The following GOLGA6L7 variants were observed in gnomAD, a reference collection of about 807,000 sequenced individuals.
The protein encoded by GOLGA6L7 is golgin subfamily A member 6-like protein 7.
GOLGA6L7 carries 29 observed loss-of-function variants against 68.9 expected under a neutral mutation model. That is an observed-to-expected ratio of 0.42 (90% CI 0.31 to 0.57). GOLGA6L7 has a LOEUF of 0.57. Ranked by LOEUF, GOLGA6L7 falls within the 20% of genes least tolerant of loss-of-function variation. The pLI is 0.13. For synonymous variants in GOLGA6L7, 133 were observed against 197.4 expected (o/e 0.67, Z 2.73); for missense variants, 396 against 588.4 (o/e 0.67, Z 3.38).
At position 28,842,889 on chromosome 15, in the gene GOLGA6L7, C is replaced by T. The variant is rs2030252775; in HGVS notation, c.1215G>A (p.Trp405Ter). The T allele has an allele frequency of 1.5e-5, 19 of 1,255,440 alleles. No individual in the cohort carries two copies. Among genetic ancestry groups the T allele is most frequent in the East Asian group, 3.1e-5 (1 of 31,822 alleles). The allele number at this position is 1,255,440 out of a possible 1,614,324, so 77.8% of individuals were successfully genotyped here. A position where few individuals can be genotyped will look rare whatever the true frequency, so the allele number is the denominator to read the frequency against. Reference protein sequence around the residue: ...EQMRKQEEQMWKQEEQMGEQM... With the variant: ...EQMRKQEEQM ...GCTCCCCCATCTGCTCCTCCTGCTT[C>T]CACATCTGCTCCTCCTGCTTTCGCA... is the stretch of plus-strand genomic sequence containing the variant. Residue 405 changes from tryptophan to a stop codon, truncating the protein, a stop_gained, in exon 9 of 9, where the codon TGG (tryptophan) becomes TGA (stop). Transcript: ENST00000567390. LOFTEE classifies it high-confidence loss of function.
intron 3 of GOLGA6L7, 84 bp downstream of exon 3, chr15:28,846,136 G>A (rs2030418340): frequency 4.2e-6 from 3 of 719,252 alleles, no homozygotes; most frequent in Non-Finnish European, 7.6e-6. Context: ...GCTGGGAGTA[G>A]GCGAGACGAG....
At chr15:28,843,638 C>T (rs2030300456) in intron 8 of GOLGA6L7, 96 bp downstream of exon 8, 3 of 558,260 alleles carry the variant, frequency 5.4e-6, no homozygotes, top group Non-Finnish European at 9.4e-6. Flanking sequence ...CCAAATTTTC[C>T]AGCTCTTGGC....
Position 28,848,626 on chromosome 15 carries a change from A to G in GOLGA6L7, c.-77T>C. On this transcript the variant is annotated 5_prime_UTR_variant, in exon 1 of 9. Coordinates refer to ENST00000567390, the MANE Select transcript of GOLGA6L7 (RefSeq NM_001365371.2). ...GACAGTGATATGCCTCCAGTCACGT[A>G]CCACACAGCTATGTGACTGAGCCAC... 1 of 739,060 alleles carries G rather than the reference A, an allele frequency of 1.4e-6. No homozygotes were observed. The highest frequency in any genetic ancestry group is 2.5e-6 in the Non-Finnish European group (1 of 404,396). 45.8% of individuals were successfully genotyped at this position (739,060 alleles called of 1,614,324 possible). A position where few individuals can be genotyped will look rare whatever the true frequency, so the allele number is the denominator to read the frequency against.
At position 28,846,047 on chromosome 15, in the gene GOLGA6L7, C is replaced by T. The variant is rs190544117; in HGVS notation, c.211-97G>A. 437 of 848,376 alleles carry T rather than the reference C, an allele frequency of 5.2e-4. 10 individuals carry two copies. In the African/African-American group the frequency reaches 6.6e-3, roughly 13 times the overall value. The allele number at this position is 848,376 out of a possible 1,614,324, so 52.6% of individuals were successfully genotyped here. On this transcript the variant is annotated intron_variant, in intron 3 of 8. Transcript: ENST00000567390. ...CCAGAATGGCCCCACTGTCCCAGGA[C>T]AGGCCCACCCATGGGACCAGGTTAT...
chr15:28,842,024 A>G lies in GOLGA6L7; in HGVS notation c.*211T>C, dbSNP rs2030202911. On this transcript the variant is annotated 3_prime_UTR_variant, in exon 9 of 9. Transcript: ENST00000567390. ...GAGTGCAGTGGTGTGATCTCAGCTC[A>G]CTGCAACCTCAACCTCCCACGTAGC... 2 of 342,430 alleles carry G rather than the reference A, an allele frequency of 5.8e-6. No homozygotes were observed. Among genetic ancestry groups the G allele is most frequent in the Non-Finnish European group, 1.0e-5 (2 of 193,780 alleles). The allele number at this position is 342,430 out of a possible 1,614,324, so 21.2% of individuals were successfully genotyped here.
rs3896917 is a variant in GOLGA6L7 at position 28,846,595 on chromosome 15, C to T, written c.181-346G>A. 145 of 452,420 alleles carry T rather than the reference C, an allele frequency of 3.2e-4. 1 individual carries two copies. Among genetic ancestry groups the T allele is most frequent in the African/African-American group, 2.0e-4 (10 of 49,588 alleles). The allele number at this position is 452,420 out of a possible 1,614,324, so 28.0% of individuals were successfully genotyped here. ...AAGCATTGAGCAAGCACATAGGGGC[C>T]GGGGACGGTTCTTCACTGCTGGGAT... On this transcript the variant is annotated intron_variant, in intron 2 of 8. Transcript: ENST00000567390.
chr15:28,844,090 A>G (rs1364226662), intron 7 of GOLGA6L7, 115 bp downstream of exon 7: 3 of 567,250 alleles, frequency 5.3e-6, no homozygotes, highest in East Asian at 2.9e-5. Context: ...GCTTCCCTGC[A>G]CACACATGTA....
chr15:28,848,178 G>A (rs1200564501), intron 1 of GOLGA6L7, among the ~76,000 whole-genome samples: 1 of 151,996 alleles, frequency 6.6e-6, no homozygotes, highest in Non-Finnish European at 1.5e-5. Flanking sequence ...AGGTGCTGGG[G>A]CATCCGGTTC....
chr15:28,845,533 T>C lies in GOLGA6L7; in HGVS notation c.458A>G (p.Asp153Gly), dbSNP rs1332470092. Residue 153 changes from aspartate to glycine, a missense_variant, in exon 6 of 9, where the codon GAC becomes GGC. By Grantham distance (94) the Asp-to-Gly change is moderately conservative. This residue lies in a region of GOLGA6L7 where 125 missense variants were observed against 119.4 expected (regional missense o/e 1.05). Coordinates refer to ENST00000567390, the MANE Select transcript of GOLGA6L7 (RefSeq NM_001365371.2). ...SAMSAEHERA[D>G]KYIKELTKER... ...CGGGTAGGTGGTTGGACTCACCTTG[T>C]CCGCCCTCTCGTGCTCTGCGGACAT... is the stretch of plus-strand genomic sequence containing the variant. 1 of 714,078 alleles carries C rather than the reference T, an allele frequency of 1.4e-6. No individual in the cohort carries two copies. The highest frequency in any genetic ancestry group is 1.7e-5 in the African/African-American group (1 of 57,474). 44.2% of individuals were successfully genotyped at this position (714,078 alleles called of 1,614,324 possible).
At chr15:28,844,300 G>A (rs1037649200) in intron 6 of GOLGA6L7, 37 bp from the exon 7 acceptor site, 4 of 456,502 alleles carry the variant, frequency 8.8e-6, no homozygotes, top group Non-Finnish European at 1.5e-5. Flanking sequence ...GATACAGCAG[G>A]CAGAGGAGCA....
intron 1 of GOLGA6L7, 109 bp downstream of exon 1, chr15:28,848,390 C>T (rs1200060403): frequency 1.5e-6 from 1 of 652,082 alleles, no homozygotes; most frequent in African/African-American, 1.8e-5. Flanking sequence ...CTGGGGGGGG[C>T]CCGGCCCTGC....
chr15:28,845,739 C>T lies in GOLGA6L7; in HGVS notation c.334G>A (p.Asp112Asn). 2 of 783,082 alleles carry T rather than the reference C, an allele frequency of 2.6e-6. No individual in the cohort carries two copies. Among genetic ancestry groups the T allele is most frequent in the Non-Finnish European group, 4.6e-6 (2 of 439,150 alleles). 48.5% of individuals were successfully genotyped at this position (783,082 alleles called of 1,614,324 possible). Residue 112 changes from aspartate (D) to asparagine (N), a missense_variant, in exon 5 of 9, where the codon GAT (aspartate) becomes AAT (asparagine). Physicochemically the swap from Asp to Asn is conservative, Grantham distance 23 (BLOSUM62 1). Around this residue, in one of 5 missense-constraint regions of GOLGA6L7, gnomAD observed 125 missense variants for 119.4 expected, o/e 1.05. Transcript: ENST00000567390. ...CCACCTTCAAATTTCCTGGCAGCAT[C>T]CTGGCTGTCATGGAGCGCTGTCTCC... ...ELETALHDSQ[D>N]AARKFEEDSK...
rs762807747 is a variant in GOLGA6L7, at chr15:28,845,272, A to G, written c.462+257T>C. 253 of 588,428 alleles carry G rather than the reference A, an allele frequency of 4.3e-4. 1 individual carries two copies. The Middle Eastern group carries it at 6.4e-3, about 15-fold the overall frequency. 36.5% of individuals were successfully genotyped at this position (588,428 alleles called of 1,614,324 possible). A position where few individuals can be genotyped will look rare whatever the true frequency, so the allele number is the denominator to read the frequency against. On this transcript the variant is annotated intron_variant, in intron 6 of 8. Transcript: ENST00000567390. ...CTCCGCCTAGGATTTGACCAAGGCC[A>G]CAGCCAAGTATGGGTGGGGTGGGCA...
At chr15:28,847,339 A>G (rs1259111599) in intron 1 of GOLGA6L7, 147 bp from the exon 2 acceptor site, 1 of 508,008 alleles carries the variant, frequency 2.0e-6, no homozygotes, top group Non-Finnish European at 3.4e-6. Flanking sequence ...AGTGACTGAG[A>G]GGGATTGATA....
At chr15:28,847,510 C>T (rs1438182497) in intron 1 of GOLGA6L7, among the ~76,000 whole-genome samples, 28 of 152,226 alleles carry the variant, frequency 1.8e-4, no homozygotes, top group Middle Eastern at 3.4e-3. Flanking sequence ...GGTTTACAGT[C>T]GTACATCCTC....
intron 1 of GOLGA6L7, among the ~76,000 whole-genome samples, chr15:28,847,864 G>A (rs1029200675): frequency 2.0e-5 from 3 of 152,236 alleles, no homozygotes; most frequent in African/African-American, 7.2e-5. Flanking sequence ...GGGCACTCTG[G>A]TCCCAGAACC....
At position 28,845,800 on chromosome 15, in the gene GOLGA6L7, A is replaced by G; in HGVS notation, c.273T>C (p.His91=). 1 of 850,770 alleles carries G rather than the reference A, an allele frequency of 1.2e-6. No homozygotes were observed. The highest frequency in any genetic ancestry group is 2.0e-6 in the Non-Finnish European group (1 of 503,156). The allele number at this position is 850,770 out of a possible 1,614,324, so 52.7% of individuals were successfully genotyped here. A position where few individuals can be genotyped will look rare whatever the true frequency, so the allele number is the denominator to read the frequency against. The change falls in exon 5 of 9, where the codon CAT becomes CAC. Residue 91 remains histidine, a synonymous_variant. Transcript: ENST00000567390. ...ALRRQLEAQD[H]TIRILMCQKT... is the part of the protein sequence containing the mutation. ...TCTGACACATAAGGATTCGTATGGT[A>G]TGATCCTGGGCCTTTGGGAGACAAG...
rs2030362612 is a variant in GOLGA6L7, at chr15:28,845,015, A to G, written c.462+514T>C. 36 of 229,148 alleles carry G rather than the reference A, an allele frequency of 1.6e-4. 1 individual carries two copies. The South Asian group carries it at 2.1e-3, about 13-fold the overall frequency. The allele number at this position is 229,148 out of a possible 1,614,324, so 14.2% of individuals were successfully genotyped here. On this transcript the variant is annotated intron_variant, in intron 6 of 8. Coordinates refer to ENST00000567390, the MANE Select transcript of GOLGA6L7 (RefSeq NM_001365371.2). ...AGAATGATACATTGGCATAGTCCAA[A>G]CCTCAGAAGGTACAGAAGGGAAATA...
intron 1 of GOLGA6L7, among the ~76,000 whole-genome samples, chr15:28,848,038 T>A (rs2030503304): frequency 6.6e-6 from 1 of 152,140 alleles, no homozygotes; most frequent in Non-Finnish European, 1.5e-5. Flanking sequence ...GGGACCCAGG[T>A]ACTTGGAGAC....
Sources: gnomAD v4.1 joint callset for allele counts (sites outside exome capture counted in the v4.1 genomes callset) on GRCh38, gnomAD v4.1.1 for gene constraint, gnomAD v4.1.1 regional missense constraint, MANE v1.5 for transcripts, NCBI Gene and HGNC (gene_info 2026-07-23, HGNC 2026-07-21) for gene names.